Variants in NAT1 observed in about 807,000 individuals in gnomAD.
The protein encoded by NAT1 is arylamine N-acetyltransferase 1.
For missense variants in NAT1, 400 were observed against 339.2 expected (o/e 1.18, Z -1.41); for synonymous variants, 144 against 122.6 (o/e 1.17, Z -1.16).
At chr8:18,170,855 C>G (rs992125053) in intron 2 of NAT1, 2 of 151,990 alleles carry the variant, frequency 1.3e-5, no homozygotes, top group Admixed American at 1.3e-4. Context: ...GAGCTCTCCA[C>G]GTTTATCTCA....
At chr8:18,213,893 A>C (rs1804360822) in intron 1 of NAT1, among the ~76,000 whole-genome samples, 1 of 150,052 alleles carries the variant, frequency 6.7e-6, no homozygotes, top group African/African-American at 2.5e-5. Context: ...GGCTCACTGC[A>C]AGCTCCGCTT....
At chr8:18,220,565 T>A (rs566694196) in intron 2 of NAT1, among the ~76,000 whole-genome samples, 41 of 152,348 alleles carry the variant, frequency 2.7e-4, no homozygotes, top group African/African-American at 9.9e-4. Context: ...GCATTTATTT[T>A]TTTTTGGTTC....
intron 2 of NAT1, among the ~76,000 whole-genome samples, chr8:18,192,880 A>G (rs1486348200): frequency 6.6e-6 from 1 of 151,876 alleles, no homozygotes; most frequent in Non-Finnish European, 1.5e-5. Flanking sequence ...TAGGAGATAT[A>G]CCTAATGCTA....
chr8:18,194,980 A>AT (rs1426464113), intron 2 of NAT1, among the ~76,000 whole-genome samples: 3 of 152,184 alleles, frequency 2.0e-5, no homozygotes, highest in Non-Finnish European at 4.4e-5. Context: ...AGCAGAGATC[A>AT]GACCCTCTTC....
At chr8:18,219,297 CCTCT>C in intron 1 of NAT1, 110 bp from the exon 2 acceptor site, 1 of 697,812 alleles carries the variant, frequency 1.4e-6, no homozygotes, top group Non-Finnish European at 2.4e-6. Flanking sequence ...CAGTCCATTC[CCTCT>C]GTTTTGTGAT....
chr8:18,199,663 C>T (rs1031301266), intron 2 of NAT1, among the ~76,000 whole-genome samples: 11 of 152,260 alleles, frequency 7.2e-5, no homozygotes, highest in Admixed American at 1.3e-4. Flanking sequence ...TTGCTTTGGA[C>T]TCAGAGAACA....
At chr8:18,201,374 T>C (rs1298583461) in intron 2 of NAT1, among the ~76,000 whole-genome samples, 1 of 152,110 alleles carries the variant, frequency 6.6e-6, no homozygotes, top group African/African-American at 2.4e-5. Context: ...TTTTAGGCTG[T>C]TCATTCGGAA....
chr8:18,218,677 G>T (rs570636816), intron 1 of NAT1, among the ~76,000 whole-genome samples: 2 of 152,278 alleles, frequency 1.3e-5, no homozygotes, highest in South Asian at 4.1e-4. Context: ...GAGTTAACTT[G>T]TGGGCAAAAT....
chr8:18,222,394 G>C lies in NAT1; in HGVS notation c.347G>C (p.Gly116Ala). Residue 116 changes from glycine (G) to alanine (A), a missense_variant, in exon 3 of 3, where the codon GGC becomes GCC. Coordinates refer to ENST00000307719, the MANE Select transcript of NAT1 (RefSeq NM_000662.8). Reference sequence around the variant, plus strand: ...CTTCTCCTGCAGGTGACCATTGATGGCAGGAACTACATTGTCGATGCTGGG... The same window carrying C: ...CTTCTCCTGCAGGTGACCATTGATGCCAGGAACTACATTGTCGATGCTGGG... Reference protein sequence around the residue: ...IHLLLQVTIDGRNYIVDAGFG... With the variant: ...IHLLLQVTIDARNYIVDAGFG... 1 of 1,614,084 alleles carries C rather than the reference G, an allele frequency of 6.2e-7. No homozygotes were observed. Among genetic ancestry groups the C allele is most frequent in the Non-Finnish European group, 8.5e-7 (1 of 1,179,996 alleles).
chr8:18,174,722 T>A (rs576241563), intron 2 of NAT1, among the ~76,000 whole-genome samples: 1 of 152,140 alleles, frequency 6.6e-6, no homozygotes, highest in African/African-American at 2.4e-5. Flanking sequence ...ATAGCAAGCA[T>A]CACGTAAGGA....
chr8:18,207,394 T>TC (rs1803769982), upstream of NAT1, among the ~76,000 whole-genome samples: 2 of 152,098 alleles, frequency 1.3e-5, no homozygotes, highest in African/African-American at 4.8e-5. Context: ...AAAATAGTTT[T>TC]TTTTTCTAAT....
intron 2 of NAT1, among the ~76,000 whole-genome samples, chr8:18,177,779 C>A (rs542934695): frequency 3.9e-5 from 6 of 152,098 alleles, no homozygotes; most frequent in Non-Finnish European, 7.4e-5. Context: ...CAGGTTGCAA[C>A]TTTATTAACA....
chr8:18,195,191 G>A (rs576869588), intron 2 of NAT1, among the ~76,000 whole-genome samples: 77 of 152,322 alleles, frequency 5.1e-4, no homozygotes, highest in Admixed American at 1.1e-3. Context: ...GCTTCGCCAT[G>A]TATGCAGAAT....
chr8:18,190,054 T>A, intron 2 of NAT1, among the ~76,000 whole-genome samples: 1 of 152,196 alleles, frequency 6.6e-6, no homozygotes, highest in Non-Finnish European at 1.5e-5. Flanking sequence ...CCTCCCAAAG[T>A]GCTGGGATTA....
intron 2 of NAT1, among the ~76,000 whole-genome samples, chr8:18,188,630 G>T (rs1285559946): frequency 1.3e-5 from 2 of 151,664 alleles, no homozygotes; most frequent in Non-Finnish European, 2.9e-5. Context: ...AAAAATAGTG[G>T]CTTTTTTAGT....
At chr8:18,215,385 G>A (rs138821446) in intron 1 of NAT1, among the ~76,000 whole-genome samples, 32 of 152,224 alleles carry the variant, frequency 2.1e-4, no homozygotes, top group African/African-American at 7.7e-4. Flanking sequence ...TTAGCCTTTA[G>A]TAGGAATATC....
At chr8:18,196,735 C>T (rs748747536) in intron 2 of NAT1, among the ~76,000 whole-genome samples, 1 of 152,144 alleles carries the variant, frequency 6.6e-6, no homozygotes, top group Non-Finnish European at 1.5e-5. Context: ...TGCATCATTA[C>T]ATTTAGAAAC....
Position 18,222,144 on chromosome 8 carries a change from C to T in NAT1, c.97C>T (p.Arg33Ter), listed in dbSNP as rs56318881. Residue 33 changes from arginine (R) to a stop codon, truncating the protein, a stop_gained, in exon 3 of 3, where the codon CGA (arginine) becomes TGA (stop). Transcript: ENST00000307719. LOFTEE classifies it low-confidence loss of function (END_TRUNC). ...TLTDILQHQI[R>*]AVPFENLNIH... ...AACTGACATTCTTCAACACCAGATC[C>T]GAGCTGTTCCCTTTGAGAACCTTAA... 2.6e-5 allele frequency: 42 copies of T among 1,613,972 alleles called. No individual in the cohort carries two copies. Among genetic ancestry groups the T allele is most frequent in the Admixed American group, 1.2e-4 (7 of 59,992 alleles).
At chr8:18,204,251 A>T (rs1386030861) in intron 2 of NAT1, among the ~76,000 whole-genome samples, 1 of 152,000 alleles carries the variant, frequency 6.6e-6, no homozygotes, top group Non-Finnish European at 1.5e-5. Context: ...ACTCACCCAC[A>T]TGTATCTGTG....
Sources: allele counts gnomAD v4.1 joint callset (sites outside exome capture counted in the v4.1 genomes callset), GRCh38; gene constraint gnomAD v4.1.1; transcripts MANE v1.5; gene names NCBI Gene and HGNC (gene_info 2026-07-23, HGNC 2026-07-21).